Variants in ATXN7 observed in about 807,000 individuals in gnomAD.
ATXN7 encodes the protein ataxin 7.
In ATXN7, 12 loss-of-function variants were observed where a neutral mutation model predicts 70.5. That is an observed-to-expected ratio of 0.17 (90% CI 0.11 to 0.28). ATXN7 has a LOEUF of 0.28. ATXN7 is among the 10% of genes least tolerant of loss of function. The pLI is 1.00. For synonymous variants in ATXN7, 498 were observed against 448.7 expected, an observed-to-expected ratio of 1.11 and a Z score of -1.39; for missense variants, 1,256 against 1,131.7, an observed-to-expected ratio of 1.11 and a Z score of -1.58.
intron 1 of ATXN7, among the ~76,000 whole-genome samples, chr3:63,868,730 T>G (rs531660348): frequency 1.3e-5 from 2 of 152,240 alleles, no homozygotes; most frequent in African/African-American, 4.8e-5. Context: ...CAAGATTCCA[T>G]TTAACATTTT....
chr3:63,911,992 C>G (rs1704033286), intron 2 of ATXN7: 1 of 152,390 alleles, frequency 6.6e-6, no homozygotes, highest in South Asian at 2.1e-4. Flanking sequence ...CGCCCTGGCT[C>G]CAGTCCGGGG....
intron 2 of ATXN7, chr3:63,903,922 A>T (rs1703741594): frequency 6.6e-6 from 1 of 152,258 alleles, no homozygotes; most frequent in Non-Finnish European, 1.5e-5. Flanking sequence ...CTTAAAAAAT[A>T]GCTTTATTGA....
chr3:63,996,133 C>T lies in ATXN7; in HGVS notation c.2311C>T (p.Arg771Trp), dbSNP rs367886296. The T allele has an allele frequency of 2.0e-5, 32 of 1,614,052 alleles. No homozygotes were observed. Among genetic ancestry groups the T allele is most frequent in the African/African-American group, 1.6e-4 (12 of 74,914 alleles). Residue 771 changes from arginine to tryptophan, a missense_variant, in exon 12 of 13, where the codon CGG (arginine) becomes TGG (tryptophan). Arg to Trp is a moderately radical substitution (Grantham distance 101). Coordinates refer to ENST00000674280, the MANE Select transcript of ATXN7 (RefSeq NM_001377405.1). ...GAATAAAGCAAATGCGGTGAACGTC[C>T]GGCATGACCAGTCAGGGAGGGGCCC... Reference protein sequence around the residue: ...VTNKANAVNVRHDQSGRGPPT... With the variant: ...VTNKANAVNVWHDQSGRGPPT...
Position 63,996,255 on chromosome 3 carries a change from C to T in ATXN7, c.2433C>T (p.Ser811=). Residue 811 remains serine (S), a synonymous_variant, in exon 12 of 13, where the codon TCC becomes TCT. Coordinates refer to ENST00000674280, the MANE Select transcript of ATXN7 (RefSeq NM_001377405.1). ...TLSLGPFIHQ[S]NELPVNSHGS... ...CTCTTGGGCCATTCATTCACCAGTC[C>T]AATGAACTGCCTGTCAACTCCCACG... The T allele has an allele frequency of 6.2e-7, 1 of 1,614,182 alleles. No homozygotes were observed. Among genetic ancestry groups the T allele is most frequent in the Non-Finnish European group, 8.5e-7 (1 of 1,180,032 alleles).
At chr3:63,895,457 G>C (rs964265536) in intron 1 of ATXN7, among the ~76,000 whole-genome samples, 26 of 151,932 alleles carry the variant, frequency 1.7e-4, no homozygotes, top group African/African-American at 6.0e-4. Flanking sequence ...TCTGGTGATA[G>C]CTCTACTTTT....
chr3:63,909,556 CTT>C (rs1559627507), intron 2 of ATXN7, among the ~76,000 whole-genome samples: 1 of 152,156 alleles, frequency 6.6e-6, no homozygotes, highest in African/African-American at 2.4e-5. Flanking sequence ...CTGTTGTACT[CTT>C]GTTTATAAAC....
intron 5 of ATXN7, among the ~76,000 whole-genome samples, chr3:63,961,786 A>G (rs986346687): frequency 6.6e-6 from 1 of 152,042 alleles, no homozygotes; most frequent in Non-Finnish European, 1.5e-5. Context: ...CACCAGTGTC[A>G]CTCTTGACTT....
Position 63,995,495 on chromosome 3 carries a change from T to TA in ATXN7, c.1683-10_1683-9insA, listed in dbSNP as rs1315298513. ...GTCAGTGTCATTCACTGTCCTCTAATTTTTTTCAGGAAAATCCCACCAGTG... is the reference window on the plus strand; with the variant it reads ...GTCAGTGTCATTCACTGTCCTCTAATATTTTTTCAGGAAAATCCCACCAGTG... On this transcript the variant is annotated splice_polypyrimidine_tract_variant and intron_variant, in intron 11 of 12. Coordinates refer to ENST00000674280, the MANE Select transcript of ATXN7 (RefSeq NM_001377405.1). 2 of 1,613,248 alleles carry TA rather than the reference T, an allele frequency of 1.2e-6. No homozygotes were observed. Among genetic ancestry groups the TA allele is most frequent in the South Asian group, 2.2e-5 (2 of 91,020 alleles).
At chr3:63,903,287 T>G (rs1328090703) in intron 2 of ATXN7, among the ~76,000 whole-genome samples, 1 of 147,930 alleles carries the variant, frequency 6.8e-6, no homozygotes, top group African/African-American at 2.5e-5. Flanking sequence ...CCCCGGAGGC[T>G]GAGGCAGGAG....
intron 6 of ATXN7, 138 bp downstream of exon 6, chr3:63,980,305 T>A: frequency 8.3e-7 from 1 of 1,203,450 alleles, no homozygotes; most frequent in Non-Finnish European, 1.2e-6. Flanking sequence ...TTGTATTGTT[T>A]CTTGATGTTT....
intron 5 of ATXN7, among the ~76,000 whole-genome samples, chr3:63,972,742 GCTC>G (rs2075331956): frequency 6.6e-6 from 1 of 152,138 alleles, no homozygotes; most frequent in Non-Finnish European, 1.5e-5. Flanking sequence ...GCTCCCCTGA[GCTC>G]CTATCTTAGA....
intron 12 of ATXN7, 99 bp from the exon 13 acceptor site, chr3:63,999,351 G>GT: frequency 2.0e-6 from 2 of 1,001,538 alleles, no homozygotes; most frequent in South Asian, 2.7e-5. Context: ...CTTTAGTAGC[G>GT]TGCAGCCTTT....
At chr3:63,863,308 C>G (rs1376435283), upstream of ATXN7, 4 of 393,688 alleles carry the variant, frequency 1.0e-5, no homozygotes, top group African/African-American at 8.7e-5. Flanking sequence ...CTCCCACTCC[C>G]TCCCAGACCT....
chr3:63,931,558 A>G (rs1406593902), intron 4 of ATXN7, among the ~76,000 whole-genome samples: 1 of 152,194 alleles, frequency 6.6e-6, no homozygotes, highest in Non-Finnish European at 1.5e-5. Flanking sequence ...AGGCCGCTAC[A>G]GGTCTGATCC....
At chr3:63,978,217 A>G (rs1433134282) in intron 5 of ATXN7, among the ~76,000 whole-genome samples, 2 of 152,234 alleles carry the variant, frequency 1.3e-5, no homozygotes, top group Non-Finnish European at 2.9e-5. Flanking sequence ...CCTATGCATC[A>G]GTGTTTTTAA....
chr3:63,863,163 T>C (rs1281880824), upstream of ATXN7: 2 of 152,672 alleles, frequency 1.3e-5, no homozygotes, highest in Admixed American at 1.3e-4. Context: ...CCACTCGCAG[T>C]TCAAGGCCTC....
chr3:63,980,216 CTG>C (rs1329494853), intron 6 of ATXN7, 49 bp downstream of exon 6: 138 of 1,607,456 alleles, frequency 8.6e-5, no homozygotes, highest in Non-Finnish European at 1.1e-4. Context: ...GGAAATGAAA[CTG>C]TGTACACTAG....
Position 63,990,790 on chromosome 3 carries a change from C to T in ATXN7, c.1613C>T (p.Ser538Phe). 6.2e-7 allele frequency: 1 copy of T among 1,614,172 alleles called. No homozygotes were observed. Among genetic ancestry groups the T allele is most frequent in the Non-Finnish European group, 8.5e-7 (1 of 1,180,030 alleles). ...GGAAGAGGCTATTACGTGTTTGACT[C>T]CAGGTGGAATCGACTTCGCTGCGCC... ...QIGRGYYVFD[S>F]RWNRLRCALN... The change falls in exon 11 of 13, where the codon TCC becomes TTC. Residue 538 changes from serine (S) to phenylalanine (F), a missense_variant. Transcript: ENST00000674280.
At chr3:63,951,189 T>G (rs1421619890) in intron 4 of ATXN7, among the ~76,000 whole-genome samples, 2 of 152,096 alleles carry the variant, frequency 1.3e-5, no homozygotes, top group Non-Finnish European at 2.9e-5. Flanking sequence ...TAGCTAGCTA[T>G]CTGTGCAATT....
Sources: gnomAD v4.1 joint callset for allele counts (sites outside exome capture counted in the v4.1 genomes callset) on GRCh38, gnomAD v4.1.1 for gene constraint, MANE v1.5 for transcripts, NCBI Gene and HGNC (gene_info 2026-07-23, HGNC 2026-07-21) for gene names.